The following ZNF682 variants were observed in gnomAD, a reference collection of about 807,000 sequenced individuals.
ZNF682 encodes zinc finger protein 682.
A neutral mutation model predicts 36.5 loss-of-function variants in ZNF682; 29 were observed. The ratio of observed to expected loss-of-function variants is 0.80; its 90% CI spans 0.59 to 1.08. The LOEUF is 1.08. ZNF682 is among the 50% of genes least tolerant of loss of function. The pLI, the probability that ZNF682 is intolerant of heterozygous loss-of-function variation, is 0.00. For missense variants in ZNF682, 561 were observed against 579.7 expected (o/e 0.97, Z 0.33); for synonymous variants, 180 against 197.0 (o/e 0.91, Z 0.72).
chr19:20,028,791 G>A (rs967961815), intron 1 of ZNF682, among the ~76,000 whole-genome samples: 2 of 152,164 alleles, frequency 1.3e-5, no homozygotes, highest in Non-Finnish European at 2.9e-5. Flanking sequence ...ACGCGCACAT[G>A]CATTAATGCG....
downstream of ZNF682, among the ~76,000 whole-genome samples, chr19:20,001,591 G>A (rs796809911): frequency 6.6e-6 from 1 of 152,282 alleles, no homozygotes; most frequent in Non-Finnish European, 1.5e-5. Flanking sequence ...GGCTGTAATC[G>A]TTTGCTAGGA....
At chr19:20,004,110 A>G (rs777033399), downstream of ZNF682, among the ~76,000 whole-genome samples, 11 of 152,238 alleles carry the variant, frequency 7.2e-5, no homozygotes, top group Non-Finnish European at 1.5e-4. Context: ...AATGTGAGAT[A>G]ACATCTTCTA....
Position 20,024,269 on chromosome 19 carries a change from G to A in ZNF682, c.111C>T (p.Tyr37=), listed in dbSNP as rs2088412069. The part of the protein sequence containing the change: ...SLYRKVMLEN[Y]RNLVSLGLTV... ...TCTCACCCAGAGAGACCAGGTTTCT[G>A]TAGTTCTCTAGCATCACTTTCCTAT... The change falls in exon 2 of 4, where the codon TAC becomes TAT. Residue 37 remains tyrosine (Y), a synonymous_variant. Transcript: ENST00000397165. The A allele has an allele frequency of 1.9e-6, 3 of 1,613,848 alleles. No homozygotes were observed. The highest frequency in any genetic ancestry group is 2.7e-5 in the African/African-American group (2 of 74,916).
At position 20,006,827 on chromosome 19, in the gene ZNF682, T is replaced by C; in HGVS notation, c.675A>G (p.Gly225=). The change falls in exon 4 of 4, where the codon GGA becomes GGG. Residue 225 remains glycine (G), a synonymous_variant. Transcript: ENST00000397165. ...YLTKHKRIHT[G]EKPYKCEECG... ...ATTCTTCACATTTGTATGGTTTCTC[T>C]CCAGTGTGAATTCTCTTATGTTTAG... 1 of 1,614,166 alleles carries C rather than the reference T, an allele frequency of 6.2e-7. No homozygotes were observed. Among genetic ancestry groups the C allele is most frequent in the Non-Finnish European group, 8.5e-7 (1 of 1,180,022 alleles).
downstream of ZNF682, chr19:20,004,313 A>T (rs1281507827): frequency 6.6e-6 from 1 of 152,208 alleles, no homozygotes; most frequent in East Asian, 1.9e-4. Context: ...ATTCCACTAT[A>T]TTACTGAATA....
At chr19:20,025,125 T>A (rs530318775) in intron 1 of ZNF682, among the ~76,000 whole-genome samples, 2 of 152,246 alleles carry the variant, frequency 1.3e-5, no homozygotes, top group African/African-American at 2.4e-5. Flanking sequence ...GGCATCCGAA[T>A]CAAGAATATT....
chr19:20,022,224 C>A (rs1281193204), intron 3 of ZNF682, among the ~76,000 whole-genome samples: 1 of 149,454 alleles, frequency 6.7e-6, no homozygotes, highest in Non-Finnish European at 1.5e-5. Flanking sequence ...CATAAGAAAT[C>A]ATAAAGCAGA....
chr19:20,023,226 CGT>C, intron 2 of ZNF682, 127 bp from the exon 3 acceptor site: 1 of 819,228 alleles, frequency 1.2e-6, no homozygotes, highest in Middle Eastern at 3.8e-4. Context: ...AGGACAGGCG[CGT>C]TGGCTCATAC....
At chr19:20,030,295 C>T (rs922735756) in intron 1 of ZNF682, among the ~76,000 whole-genome samples, 9 of 152,162 alleles carry the variant, frequency 5.9e-5, no homozygotes, top group Admixed American at 3.9e-4. Flanking sequence ...TAGGGCTGGG[C>T]GCGGTGGCTC....
At chr19:20,021,501 AAAC>A (rs199936402) in intron 3 of ZNF682, among the ~76,000 whole-genome samples, 15 of 152,156 alleles carry the variant, frequency 9.9e-5, no homozygotes, top group Admixed American at 3.9e-4. Flanking sequence ...AGAAAACAAA[AAAC>A]AACAACAACA....
intron 1 of ZNF682, among the ~76,000 whole-genome samples, chr19:20,035,069 C>T (rs2088516530): frequency 6.6e-6 from 1 of 152,094 alleles, no homozygotes; most frequent in South Asian, 2.1e-4. Flanking sequence ...CTGCACTCCA[C>T]CCTAAGCAAC....
intron 3 of ZNF682, among the ~76,000 whole-genome samples, chr19:20,017,413 A>G (rs371354829): frequency 1.3e-5 from 2 of 152,306 alleles, no homozygotes; most frequent in African/African-American, 4.8e-5. Context: ...TGGGGTGGCC[A>G]TAGTTAGACA....
At position 20,006,112 on chromosome 19, in the gene ZNF682, G is replaced by A. The variant is rs375618664; in HGVS notation, c.1390C>T (p.Arg464Trp). 1.8e-4 allele frequency: 290 copies of A among 1,613,922 alleles called. No homozygotes were observed. Among genetic ancestry groups the A allele is most frequent in the East Asian group, 2.7e-4 (12 of 44,858 alleles). ...KCEECGKAFK[R>W]CSHLNEHKRV... ...TTATGTTCATTAAGATGTGAGCACC[G>A]TTTAAAAGCTTTGCCACATTCTTCA... The change falls in exon 4 of 4, where the codon CGG becomes TGG. Residue 464 changes from arginine to tryptophan, a missense_variant. Coordinates refer to ENST00000397165, the MANE Select transcript of ZNF682 (RefSeq NM_033196.3).
In ZNF682 at chr19:20,006,190, A is replaced by G. The variant is rs750169359; in HGVS notation, c.1312T>C (p.Ser438Pro). The change falls in exon 4 of 4, where the codon TCA becomes CCA. Residue 438 changes from serine (S) to proline (P), a missense_variant. Coordinates refer to ENST00000397165, the MANE Select transcript of ZNF682 (RefSeq NM_033196.3). ...EECGKAFNRCSHLTRHKKIHT... is the reference protein window; with the variant it reads ...EECGKAFNRCPHLTRHKKIHT... ...ATTTTCTTATGTCTAGTAAGGTGTG[A>G]GCACCGATTAAAGGCTTTTCCACAT... The G allele has an allele frequency of 6.2e-7, 1 of 1,613,398 alleles. No individual in the cohort carries two copies. Among genetic ancestry groups the G allele is most frequent in the Non-Finnish European group, 8.5e-7 (1 of 1,179,526 alleles).
downstream of ZNF682, among the ~76,000 whole-genome samples, chr19:20,003,055 G>A (rs1421252489): frequency 6.6e-6 from 1 of 151,342 alleles, no homozygotes; most frequent in Non-Finnish European, 1.5e-5. Flanking sequence ...GCCGGGCGTG[G>A]TGGTGGGCGC....
intron 1 of ZNF682, among the ~76,000 whole-genome samples, chr19:20,036,782 C>T (rs1373153848): frequency 9.3e-6 from 1 of 107,990 alleles, no homozygotes; most frequent in Admixed American, 1.3e-4. Context: ...GTTCCGGGAA[C>T]ATGGTGAGAT....
chr19:19,998,546 G>T (rs951919086), intron 3 of ZNF682, among the ~76,000 whole-genome samples: 47 of 152,194 alleles, frequency 3.1e-4, no homozygotes, highest in South Asian at 2.1e-4. Context: ...AATTTGTGGG[G>T]ACCAGAAACT....
At chr19:20,034,630 G>A (rs925397788) in intron 1 of ZNF682, among the ~76,000 whole-genome samples, 4 of 151,646 alleles carry the variant, frequency 2.6e-5, no homozygotes, top group Admixed American at 1.3e-4. Context: ...AAAATTAGCC[G>A]GGCTTGGTGG....
At chr19:20,024,817 C>T (rs552663468) in intron 1 of ZNF682, among the ~76,000 whole-genome samples, 14 of 151,878 alleles carry the variant, frequency 9.2e-5, no homozygotes, top group South Asian at 6.2e-4. Context: ...CTTGCCTGGG[C>T]GACAAACAAA....
Sources: gnomAD v4.1 joint callset for allele counts (sites outside exome capture counted in the v4.1 genomes callset) on GRCh38, gnomAD v4.1.1 for gene constraint, MANE v1.5 for transcripts, NCBI Gene and HGNC (gene_info 2026-07-23, HGNC 2026-07-21) for gene names.